The following MEI4 variants were observed in gnomAD, a reference collection of about 807,000 sequenced individuals.
MEI4 encodes the protein meiotic double-stranded break formation protein 4.
Under a neutral mutation model 31.4 loss-of-function variants are expected in MEI4, and 27 were observed. The observed-to-expected ratio is 0.86, with a 90% CI of 0.63 to 1.19. The LOEUF (loss-of-function observed/expected upper bound fraction) is 1.19. MEI4 is among the 50% of genes most tolerant of loss of function. MEI4 has a pLI of 0.00. For synonymous variants in MEI4, 122 were observed against 145.4 expected (o/e 0.84, Z 1.16); for missense variants, 329 against 398.9 (o/e 0.82, Z 1.49).
chr6:77,707,510 C>T (rs1032495522), intron 2 of MEI4, among the ~76,000 whole-genome samples: 4 of 152,128 alleles, frequency 2.6e-5, no homozygotes, highest in African/African-American at 9.7e-5. Flanking sequence ...AAGGAAAGAG[C>T]GTTTTCATGG....
chr6:77,742,904 C>G (rs1226911724), intron 2 of MEI4, among the ~76,000 whole-genome samples: 1 of 152,064 alleles, frequency 6.6e-6, no homozygotes, highest in Non-Finnish European at 1.5e-5. Context: ...TTGTTTTTCA[C>G]AGGTTTGTCA....
At chr6:77,879,450 AGT>A (rs1354259793) in intron 4 of MEI4, among the ~76,000 whole-genome samples, 3 of 152,092 alleles carry the variant, frequency 2.0e-5, no homozygotes, top group African/African-American at 4.8e-5. Context: ...ATTAATTATA[AGT>A]GGCTTATTCT....
intron 3 of MEI4, among the ~76,000 whole-genome samples, chr6:77,822,287 G>A (rs1017240180): frequency 2.0e-5 from 3 of 152,070 alleles, no homozygotes; most frequent in Admixed American, 6.5e-5. Context: ...AATGTGATTT[G>A]GCAGGGCCCT....
At chr6:77,692,234 G>A (rs1769170782) in intron 2 of MEI4, among the ~76,000 whole-genome samples, 1 of 151,990 alleles carries the variant, frequency 6.6e-6, no homozygotes, top group Non-Finnish European at 1.5e-5. Flanking sequence ...CCTCAGTGAG[G>A]TATTCCTTGA....
At position 77,840,326 on chromosome 6, in the gene MEI4, C is replaced by A. The variant is rs145174159; in HGVS notation, c.900+11264C>A. Among the ~76,000 whole-genome samples the A allele has an allele frequency of 2.5e-3, 379 of 152,098 alleles. 3 individuals carry two copies. The highest frequency in any genetic ancestry group is 8.5e-3 in the African/African-American group (351 of 41,528). ...TAATCTTAAGAAAAAAGTTATACTG[C>A]AGAAAATTGAACAAAGTCTCAGGAA... On this transcript the variant is annotated intron_variant, in intron 4 of 4. Coordinates refer to ENST00000684080, the MANE Select transcript of MEI4 (RefSeq NM_001322247.2).
chr6:77,726,981 A>C (rs1766842343), intron 2 of MEI4, among the ~76,000 whole-genome samples: 1 of 152,202 alleles, frequency 6.6e-6, no homozygotes, highest in African/African-American at 2.4e-5. Context: ...TGTTCTTTAT[A>C]AGGACTAAAG....
chr6:77,685,523 C>G (rs1030581299), intron 1 of MEI4, among the ~76,000 whole-genome samples: 2 of 152,002 alleles, frequency 1.3e-5, no homozygotes, highest in Non-Finnish European at 2.9e-5. Flanking sequence ...TTGATTGTTT[C>G]CTTTGCTGTG....
At chr6:77,796,980 A>C (rs1365293245) in intron 3 of MEI4, among the ~76,000 whole-genome samples, 1 of 152,224 alleles carries the variant, frequency 6.6e-6, no homozygotes, top group Non-Finnish European at 1.5e-5. Context: ...TGATACTGGC[A>C]TAAAAGCAGA....
At chr6:77,874,719 T>C (rs2127726573) in intron 4 of MEI4, among the ~76,000 whole-genome samples, 1 of 152,262 alleles carries the variant, frequency 6.6e-6, no homozygotes, top group East Asian at 1.9e-4. Flanking sequence ...TTTTGCCCAT[T>C]CAGTATGATA....
At chr6:77,730,330 T>C (rs942822463) in intron 2 of MEI4, among the ~76,000 whole-genome samples, 1 of 152,154 alleles carries the variant, frequency 6.6e-6, no homozygotes, top group Non-Finnish European at 1.5e-5. Flanking sequence ...TCACCATGAC[T>C]TTGACCTTAT....
intron 3 of MEI4, among the ~76,000 whole-genome samples, chr6:77,824,036 T>C (rs1354555078): frequency 6.6e-6 from 1 of 152,204 alleles, no homozygotes; most frequent in Non-Finnish European, 1.5e-5. Context: ...TTCTATGCCT[T>C]AAGAGAAATT....
intron 3 of MEI4, among the ~76,000 whole-genome samples, chr6:77,827,675 G>A (rs1769988517): frequency 6.6e-6 from 1 of 152,132 alleles, no homozygotes; most frequent in African/African-American, 2.4e-5. Context: ...GTCCTCCCAT[G>A]GTTTGGACCA....
chr6:77,869,796 G>A, intron 4 of MEI4, among the ~76,000 whole-genome samples: 1 of 152,152 alleles, frequency 6.6e-6, no homozygotes, highest in East Asian at 1.9e-4. Flanking sequence ...AGAATATCAG[G>A]AAGAAGGGGA....
rs139429064 is a variant in MEI4 at position 77,750,631 on chromosome 6, C to T, written c.233-10499C>T. 8.0e-3 allele frequency among the ~76,000 whole-genome samples: 1,210 copies of T among 152,060 alleles called. 19 individuals are homozygous for T. The highest frequency in any genetic ancestry group is 0.028 in the African/African-American group (1,147 of 41,498). On this transcript the variant is annotated intron_variant, in intron 2 of 4. Coordinates refer to ENST00000684080, the MANE Select transcript of MEI4 (RefSeq NM_001322247.2). ...CCAGAGTCATAAAGCAAGTTCTTAG[C>T]GACCTACAAAGAGACTTAGACTCCC...
At chr6:77,692,514 T>C (rs1562207805) in intron 2 of MEI4, among the ~76,000 whole-genome samples, 1 of 152,014 alleles carries the variant, frequency 6.6e-6, no homozygotes, top group Non-Finnish European at 1.5e-5. Context: ...GGATACCAAT[T>C]TTTAAAGCTT....
Position 77,923,051 on chromosome 6 carries a change from T to C in MEI4, c.901-38T>C, listed in dbSNP as rs897209384. 8 of 1,204,882 alleles carry C rather than the reference T, an allele frequency of 6.6e-6. No homozygotes were observed. In the African/African-American group the frequency reaches 1.3e-4, roughly 19 times the overall value. 74.6% of individuals were successfully genotyped at this position (1,204,882 alleles called of 1,614,324 possible). A position where few individuals can be genotyped will look rare whatever the true frequency, so the allele number is the denominator to read the frequency against. On this transcript the variant is annotated intron_variant, in intron 4 of 4. Transcript: ENST00000684080. ...TATGACATTTTTCTTAGGTAATTTA[T>C]ACCCAATTTTTTAAAGGAGTTTGTT...
intron 2 of MEI4, among the ~76,000 whole-genome samples, chr6:77,748,266 C>T (rs936809869): frequency 6.6e-6 from 1 of 152,206 alleles, no homozygotes; most frequent in South Asian, 2.1e-4. Context: ...GAGGCCTCTC[C>T]CCCTGCAGCA....
chr6:77,862,771 G>A (rs540812609), intron 4 of MEI4, among the ~76,000 whole-genome samples: 2 of 152,256 alleles, frequency 1.3e-5, no homozygotes, highest in South Asian at 2.1e-4. Context: ...ACGGACAGAC[G>A]GCCTCCTCAA....
chr6:77,848,484 G>T (rs1562010941), intron 4 of MEI4, among the ~76,000 whole-genome samples: 1 of 152,106 alleles, frequency 6.6e-6, no homozygotes, highest in Admixed American at 6.6e-5. Context: ...GTCTTAATAA[G>T]TAAATAAAAA....
Sources: gnomAD v4.1 joint callset for allele counts (sites outside exome capture counted in the v4.1 genomes callset) on GRCh38, gnomAD v4.1.1 for gene constraint, MANE v1.5 for transcripts, NCBI Gene and HGNC (gene_info 2026-07-23, HGNC 2026-07-21) for gene names.